The following SYN2 variants were observed in gnomAD, a reference collection of about 807,000 sequenced individuals.
SYN2 encodes synapsin-2.
SYN2 carries 19 observed loss-of-function variants against 50.9 expected under a neutral mutation model. That is an observed-to-expected ratio of 0.37 (90% CI 0.26 to 0.55). SYN2 has a LOEUF of 0.55. SYN2 is among the 20% of genes least tolerant of loss of function. The probability of loss-of-function intolerance (pLI) is 0.81; values close to 1 mark genes in which losing one functional copy is unlikely to be tolerated. For synonymous variants in SYN2, 255 were observed against 224.9 expected, an observed-to-expected ratio of 1.13 and a Z score of -1.20; for missense variants, 587 against 576.4, an observed-to-expected ratio of 1.02 and a Z score of -0.19.
chr3:12,132,219 A>G (rs147786507), intron 1 of SYN2, among the ~76,000 whole-genome samples: 36 of 152,148 alleles, frequency 2.4e-4, no homozygotes, highest in Non-Finnish European at 4.0e-4. Context: ...CAGTAACTCT[A>G]TAAACATTTC....
At chr3:12,150,324 G>GT (rs1389408679) in intron 4 of SYN2, among the ~76,000 whole-genome samples, 1 of 152,218 alleles carries the variant, frequency 6.6e-6, no homozygotes, top group Non-Finnish European at 1.5e-5. Flanking sequence ...GGAAAGTCCT[G>GT]TATTTCCTGT....
In SYN2 at chr3:12,004,944, C is replaced by A. The variant is rs971406532; in HGVS notation, c.377+16C>A. The A allele has an allele frequency of 1.9e-6, 1 of 519,950 alleles. No individual in the cohort carries two copies. The highest frequency in any genetic ancestry group is 3.4e-6 in the Non-Finnish European group (1 of 296,794). 32.2% of individuals were successfully genotyped at this position (519,950 alleles called of 1,614,324 possible). A position where few individuals can be genotyped will look rare whatever the true frequency, so the allele number is the denominator to read the frequency against. On this transcript the variant is annotated intron_variant, in intron 1 of 12. Coordinates refer to ENST00000621198, the MANE Select transcript of SYN2 (RefSeq NM_133625.6). ...ACGCCGACTGGTAGGTGCCGGGCGCCGCCGCCCTCGGGGGTCGGGGTCCGC... is the reference window on the plus strand; with the variant it reads ...ACGCCGACTGGTAGGTGCCGGGCGCAGCCGCCCTCGGGGGTCGGGGTCCGC...
At chr3:12,149,946 G>T (rs1697238673) in intron 4 of SYN2, among the ~76,000 whole-genome samples, 1 of 152,194 alleles carries the variant, frequency 6.6e-6, no homozygotes, top group Non-Finnish European at 1.5e-5. Context: ...TTTTATATAT[G>T]AAGAAAATGA....
chr3:12,177,010 T>C (rs1393421012), intron 10 of SYN2, among the ~76,000 whole-genome samples: 1 of 152,144 alleles, frequency 6.6e-6, no homozygotes, highest in Non-Finnish European at 1.5e-5. Flanking sequence ...AGGTAACTTA[T>C]AAAATCTCCT....
intron 1 of SYN2, among the ~76,000 whole-genome samples, chr3:12,074,677 T>C (rs1333749487): frequency 1.3e-5 from 2 of 152,194 alleles, no homozygotes; most frequent in Non-Finnish European, 2.9e-5. Flanking sequence ...GGAGTCTTAA[T>C]TCTGCCTTAT....
intron 1 of SYN2, among the ~76,000 whole-genome samples, chr3:12,048,988 A>G (rs1381478248): frequency 6.6e-6 from 1 of 152,178 alleles, no homozygotes. Context: ...TCTGTGTAAG[A>G]TGAGATTGTC....
At chr3:12,182,497 C>T (rs1042461603) in intron 10 of SYN2, among the ~76,000 whole-genome samples, 7 of 152,134 alleles carry the variant, frequency 4.6e-5, no homozygotes, top group African/African-American at 7.2e-5. Flanking sequence ...ATCAGAATCA[C>T]GGCTGGGAGA....
At chr3:12,025,676 G>T (rs1309368932) in intron 1 of SYN2, among the ~76,000 whole-genome samples, 1 of 152,028 alleles carries the variant, frequency 6.6e-6, no homozygotes, top group African/African-American at 2.4e-5. Context: ...TGGATGGGGG[G>T]GCTTTTCCTG....
intron 1 of SYN2, among the ~76,000 whole-genome samples, chr3:12,050,804 C>T (rs1305654380): frequency 2.3e-5 from 3 of 130,342 alleles, no homozygotes; most frequent in Non-Finnish European, 3.2e-5. Flanking sequence ...GGCGCGATCT[C>T]GGCTCACTGC....
At chr3:12,020,487 A>G (rs1396631728) in intron 1 of SYN2, among the ~76,000 whole-genome samples, 1 of 151,904 alleles carries the variant, frequency 6.6e-6, no homozygotes, top group Non-Finnish European at 1.5e-5. Context: ...CTGACTCGGG[A>G]TACCCCCTGA....
intron 1 of SYN2, among the ~76,000 whole-genome samples, chr3:12,112,157 A>G (rs558434582): frequency 2.0e-5 from 3 of 152,244 alleles, no homozygotes; most frequent in South Asian, 4.1e-4. Flanking sequence ...CTCTGAGTCT[A>G]GAAGAGCCTT....
intron 1 of SYN2, among the ~76,000 whole-genome samples, chr3:12,108,327 A>G (rs1696242530): frequency 6.6e-6 from 1 of 152,254 alleles, no homozygotes; most frequent in South Asian, 2.1e-4. Context: ...GTTGCCCAGT[A>G]TAGTGAGTTG....
At chr3:12,138,591 G>A (rs777694751) in intron 1 of SYN2, among the ~76,000 whole-genome samples, 4 of 152,128 alleles carry the variant, frequency 2.6e-5, no homozygotes, top group Non-Finnish European at 5.9e-5. Flanking sequence ...ATTGTCCTGG[G>A]CTTCAGTTTC....
At chr3:12,042,879 T>C (rs1694648802) in intron 1 of SYN2, among the ~76,000 whole-genome samples, 1 of 152,128 alleles carries the variant, frequency 6.6e-6, no homozygotes, top group Non-Finnish European at 1.5e-5. Flanking sequence ...TTGTAACCAC[T>C]AGAGGCTGGA....
At chr3:12,168,256 G>A (rs901833487) in intron 8 of SYN2, 120 bp from the exon 9 acceptor site, 36 of 741,572 alleles carry the variant, frequency 4.9e-5, no homozygotes, top group Admixed American at 2.3e-4. Flanking sequence ...CGGGTAGATG[G>A]AGGGAGCAGT....
At chr3:12,146,526 A>G (rs1368212889) in intron 4 of SYN2, among the ~76,000 whole-genome samples, 1 of 152,220 alleles carries the variant, frequency 6.6e-6, no homozygotes, top group Non-Finnish European at 1.5e-5. Context: ...CTCACCTTAC[A>G]AGGAAGATAT....
chr3:12,026,522 G>A (rs1354141420), intron 1 of SYN2, among the ~76,000 whole-genome samples: 7 of 152,154 alleles, frequency 4.6e-5, no homozygotes, highest in Non-Finnish European at 8.8e-5. Flanking sequence ...CAACAAAGGC[G>A]GCATCTGAGT....
chr3:12,033,620 G>GAACATCTT (rs1424223553), intron 1 of SYN2, among the ~76,000 whole-genome samples: 1 of 152,094 alleles, frequency 6.6e-6, no homozygotes, highest in Non-Finnish European at 1.5e-5. Context: ...ACTTATTTCA[G>GAACATCTT]AACATCTTAA....
At chr3:12,132,044 C>CTTTTTTTTTTTTTTTTTTCTT (rs34414958) in intron 1 of SYN2, among the ~76,000 whole-genome samples, 1 of 103,028 alleles carries the variant, frequency 9.7e-6, no homozygotes, top group Non-Finnish European at 2.2e-5. Context: ...CTTTTTTTTT[C>CTTTTTTTTTTTTTTTTTTCTT]TTTTTTTTTT....
Sources: allele counts gnomAD v4.1 joint callset (sites outside exome capture counted in the v4.1 genomes callset), GRCh38; gene constraint gnomAD v4.1.1; transcripts MANE v1.5; gene names NCBI Gene and HGNC (gene_info 2026-07-23, HGNC 2026-07-21).